Variants in APC observed in about 807,000 individuals in gnomAD.
APC encodes the protein adenomatous polyposis coli protein.
APC carries 72 observed loss-of-function variants against 247.0 expected under a neutral mutation model. That is an observed-to-expected ratio of 0.29 (90% CI 0.24 to 0.35). The LOEUF (loss-of-function observed/expected upper bound fraction) is 0.35, where lower values mean the gene tolerates loss of function less well. Ranked by LOEUF, APC falls within the 10% of genes least tolerant of loss-of-function variation. The pLI is 1.00. For missense variants in APC, 3,400 were observed against 3,360.7 expected (o/e 1.01, Z -0.29); for synonymous variants, 1,254 against 1,162.5 (o/e 1.08, Z -1.60).
chr5:112,708,289 T>G (rs1750647772), intron 1 of APC, among the ~76,000 whole-genome samples: 1 of 152,188 alleles, frequency 6.6e-6, no homozygotes, highest in African/African-American at 2.4e-5. Flanking sequence ...TAGCCCGGCA[T>G]GTGGAGTTAC....
intron 13 of APC, 68 bp from the exon 14 acceptor site, chr5:112,828,788 C>G: frequency 9.3e-7 from 1 of 1,078,694 alleles, no homozygotes; most frequent in Non-Finnish European, 1.4e-6. Flanking sequence ...TTACTGCTAG[C>G]ATTAAAAACA....
chr5:112,764,140 G>C (rs1755994924), intron 2 of APC, among the ~76,000 whole-genome samples: 1 of 151,886 alleles, frequency 6.6e-6, no homozygotes, highest in Non-Finnish European at 1.5e-5. Context: ...CAGCTACTGG[G>C]GAGGCTGAGG....
chr5:112,750,103 C>T (rs889021497), intron 1 of APC, among the ~76,000 whole-genome samples: 7 of 151,880 alleles, frequency 4.6e-5, no homozygotes, highest in Admixed American at 3.9e-4. Flanking sequence ...GCTGAGATTA[C>T]AGGCATATGC....
At chr5:112,807,730 G>A (rs913521905) in intron 8 of APC, among the ~76,000 whole-genome samples, 17 of 151,816 alleles carry the variant, frequency 1.1e-4, no homozygotes, top group African/African-American at 3.6e-4. Flanking sequence ...AGACAATAAT[G>A]TAGTGATTCA....
At chr5:112,734,029 C>T (rs371142248), upstream of APC, among the ~76,000 whole-genome samples, 3 of 152,172 alleles carry the variant, frequency 2.0e-5, no homozygotes, top group African/African-American at 7.2e-5. Context: ...CCGTAGAAGA[C>T]TATGAATATA....
At chr5:112,831,588 T>C (rs1764308897) in intron 14 of APC, among the ~76,000 whole-genome samples, 1 of 152,202 alleles carries the variant, frequency 6.6e-6, no homozygotes, top group Admixed American at 6.5e-5. Context: ...CAGCTACTAA[T>C]GAGCAAGAGA....
At position 112,823,809 on chromosome 5, in the gene APC, A is replaced by C. The variant is rs1385091766; in HGVS notation, c.1408+1818A>C. 2.6e-5 allele frequency among the ~76,000 whole-genome samples: 4 copies of C among 152,308 alleles called. No homozygotes were observed. In the East Asian group the frequency reaches 7.7e-4, roughly 29 times the overall value. On this transcript the variant is annotated intron_variant, in intron 11 of 15. Transcript: ENST00000257430. ...AGTTTATTTGCATTAGTGTTTCACA[A>C]AATACCTAAATCATAATGATCACCC...
intron 1 of APC, among the ~76,000 whole-genome samples, chr5:112,732,418 C>G (rs1220025440): frequency 6.6e-6 from 1 of 152,138 alleles, no homozygotes; most frequent in Non-Finnish European, 1.5e-5. Flanking sequence ...GAAACTTAGT[C>G]CCGTGGCTGC....
chr5:112,758,478 C>T (rs1406701212), intron 2 of APC, among the ~76,000 whole-genome samples: 1 of 152,188 alleles, frequency 6.6e-6, no homozygotes, highest in Non-Finnish European at 1.5e-5. Context: ...GGGTGTGCAC[C>T]ACCACGCCCG....
rs181250467 is a variant in APC at position 112,819,997 on chromosome 5, G to A, written c.1312+653G>A. On this transcript the variant is annotated intron_variant, in intron 10 of 15. Coordinates refer to ENST00000257430, the MANE Select transcript of APC (RefSeq NM_000038.6). ...ATCCAGCTGTAGACAGTGGGCCTCA[G>A]TTGCTGGGAGTGATAATCCACCCAG... 3.3e-5 allele frequency among the ~76,000 whole-genome samples: 5 copies of A among 152,236 alleles called. 1 individual carries two copies. Among genetic ancestry groups the A allele is most frequent in the Admixed American group, 3.3e-4 (5 of 15,282 alleles).
At chr5:112,794,357 G>A (rs971806024) in intron 7 of APC, among the ~76,000 whole-genome samples, 7 of 152,324 alleles carry the variant, frequency 4.6e-5, no homozygotes, top group African/African-American at 1.4e-4. Flanking sequence ...TGGGATTACA[G>A]GCGTGAGCCA....
At chr5:112,720,559 G>A (rs538266807) in intron 1 of APC, among the ~76,000 whole-genome samples, 6 of 152,238 alleles carry the variant, frequency 3.9e-5, no homozygotes, top group Admixed American at 1.3e-4. Flanking sequence ...AAGGAAGATG[G>A]GTGACTTGAC....
intron 4 of APC, among the ~76,000 whole-genome samples, chr5:112,773,463 C>A (rs1214582134): frequency 6.6e-6 from 1 of 152,168 alleles, no homozygotes; most frequent in Non-Finnish European, 1.5e-5. Context: ...CCACCCACTA[C>A]GTGCAGTCAA....
chr5:112,708,108 C>T (rs979080883), intron 1 of APC, among the ~76,000 whole-genome samples: 4 of 152,216 alleles, frequency 2.6e-5, no homozygotes, highest in African/African-American at 9.6e-5. Context: ...GCCCGCCGTC[C>T]TCCACCTTTC....
chr5:112,765,319 G>T (rs979782559), intron 2 of APC, among the ~76,000 whole-genome samples: 1 of 152,010 alleles, frequency 6.6e-6, no homozygotes, highest in African/African-American at 2.4e-5. Flanking sequence ...TCGCTATGTT[G>T]TTCAGGCTGG....
chr5:112,708,026 C>T (rs1004159751), intron 1 of APC: 44 of 853,674 alleles, frequency 5.2e-5, no homozygotes, highest in Non-Finnish European at 1.6e-6. Context: ...CCCCGCACTC[C>T]CCATTCAGGC....
At chr5:112,813,358 T>C (rs964872929) in intron 8 of APC, among the ~76,000 whole-genome samples, 2 of 152,222 alleles carry the variant, frequency 1.3e-5, no homozygotes, top group East Asian at 1.9e-4. Context: ...ACATGACTTA[T>C]ACAGAAGTTC....
intron 6 of APC, among the ~76,000 whole-genome samples, chr5:112,784,723 T>C (rs1758752056): frequency 6.6e-6 from 1 of 152,086 alleles, no homozygotes; most frequent in Non-Finnish European, 1.5e-5. Context: ...AGAAAAAATA[T>C]GGGATCTCAT....
At chr5:112,808,890 G>A (rs1761697280) in intron 8 of APC, among the ~76,000 whole-genome samples, 1 of 152,204 alleles carries the variant, frequency 6.6e-6, no homozygotes, top group Non-Finnish European at 1.5e-5. Context: ...TGTTTAGGGG[G>A]AAGGAGAAGT....
Sources: allele counts gnomAD v4.1 joint callset (sites outside exome capture counted in the v4.1 genomes callset), GRCh38; gene constraint gnomAD v4.1.1; transcripts MANE v1.5; gene names NCBI Gene and HGNC (gene_info 2026-07-23, HGNC 2026-07-21).